Variants in VPS37A observed in about 807,000 individuals in gnomAD.
VPS37A encodes the protein vacuolar protein sorting-associated protein 37A.
A neutral mutation model predicts 49.8 loss-of-function variants in VPS37A; 30 were observed. That is an observed-to-expected ratio of 0.60 (90% CI 0.45 to 0.82). VPS37A has a LOEUF of 0.82. Among genes scored for constraint, VPS37A ranks in the 40% least tolerant of loss-of-function variants. The probability of loss-of-function intolerance (pLI) is 0.00; values close to 1 mark genes in which losing one functional copy is unlikely to be tolerated. For synonymous variants in VPS37A, 195 were observed against 160.6 expected (o/e 1.21, Z -1.62); for missense variants, 593 against 464.4 (o/e 1.28, Z -2.55).
At chr8:17,293,864 C>T (rs558678019) in intron 11 of VPS37A, among the ~76,000 whole-genome samples, 101 of 152,312 alleles carry the variant, frequency 6.6e-4, no homozygotes, top group Admixed American at 2.4e-3. Context: ...CCAGCCAGAG[C>T]TCTCCTGTAT....
At chr8:17,271,684 C>T (rs1332296301) in intron 4 of VPS37A, among the ~76,000 whole-genome samples, 1 of 152,106 alleles carries the variant, frequency 6.6e-6, no homozygotes, top group Non-Finnish European at 1.5e-5. Context: ...CACTAAGCTC[C>T]TCCAAATAAG....
rs1563224367 is a variant in VPS37A at position 17,247,203 on chromosome 8, G to T, written c.-42G>T. On this transcript the variant is annotated 5_prime_UTR_variant, in exon 1 of 12. Coordinates refer to ENST00000324849, the MANE Select transcript of VPS37A (RefSeq NM_152415.3). Reference sequence around the variant, plus strand: ...CGGGCCGAGCCACTGGGAGAAGCAGGCCAGAGCCTTCCAGGGCCTCCGGCC... The same window carrying T: ...CGGGCCGAGCCACTGGGAGAAGCAGTCCAGAGCCTTCCAGGGCCTCCGGCC... 6.4e-7 allele frequency: 1 copy of T among 1,557,852 alleles called. No homozygotes were observed. Among genetic ancestry groups the T allele is most frequent in the South Asian group, 1.2e-5 (1 of 84,572 alleles).
rs1813396320 is a variant in VPS37A, at chr8:17,265,802, G to T, written c.126-105G>T. On this transcript the variant is annotated intron_variant, in intron 1 of 11. Coordinates refer to ENST00000324849, the MANE Select transcript of VPS37A (RefSeq NM_152415.3). ...GTTATGCTGGCTATCCAGATTCTGT[G>T]ATTAAAAATAAAGGTAGTTTTAGTA... 3 of 1,579,028 alleles carry T rather than the reference G, an allele frequency of 1.9e-6. No individual in the cohort carries two copies. The South Asian group carries it at 3.4e-5, about 18-fold the overall frequency.
chr8:17,322,115 G>T, the VPS37A span, among the ~76,000 whole-genome samples: 2 of 134,860 alleles, frequency 1.5e-5, no homozygotes, highest in African/African-American at 6.3e-5. Context: ...TACCAGCCCA[G>T]CACTTGTCTG....
At chr8:17,311,420 A>T in the VPS37A span, 10 of 1,548,094 alleles carry the variant, frequency 6.5e-6, no homozygotes, top group Non-Finnish European at 8.8e-6. Flanking sequence ...TAATGCTGGC[A>T]AGAAAACAGC....
intron 1 of VPS37A, among the ~76,000 whole-genome samples, chr8:17,257,907 A>C (rs575109570): frequency 6.6e-6 from 1 of 152,230 alleles, no homozygotes; most frequent in Non-Finnish European, 1.5e-5. Context: ...TAACTATTGT[A>C]ACTAGGATTA....
At chr8:17,319,116 T>A in the VPS37A span, among the ~76,000 whole-genome samples, 1 of 152,178 alleles carries the variant, frequency 6.6e-6, no homozygotes, top group Non-Finnish European at 1.5e-5. Flanking sequence ...AATCATGATA[T>A]ACGCATGGGC....
chr8:17,315,528 G>A, the VPS37A span, among the ~76,000 whole-genome samples: 16 of 152,290 alleles, frequency 1.1e-4, no homozygotes, highest in Middle Eastern at 3.4e-3. Flanking sequence ...ACTCCGTCGG[G>A]GATGTGAATA....
the VPS37A span, among the ~76,000 whole-genome samples, chr8:17,315,787 G>A: frequency 6.6e-6 from 1 of 152,078 alleles, no homozygotes; most frequent in African/African-American, 2.4e-5. Context: ...CAAGTCAGAA[G>A]GATCATTTGA....
the VPS37A span, among the ~76,000 whole-genome samples, chr8:17,323,830 T>G: frequency 6.6e-6 from 1 of 152,202 alleles, no homozygotes; most frequent in South Asian, 2.1e-4. Context: ...TTGAGTTTGA[T>G]GGGCTACACT....
At chr8:17,262,028 G>T (rs572810539) in intron 1 of VPS37A, among the ~76,000 whole-genome samples, 7 of 152,108 alleles carry the variant, frequency 4.6e-5, no homozygotes, top group African/African-American at 1.7e-4. Flanking sequence ...TGGGAAAGCC[G>T]ATTGTTCACC....
intron 3 of VPS37A, 147 bp downstream of exon 3, chr8:17,268,519 A>T: frequency 1.6e-6 from 1 of 616,262 alleles, no homozygotes; most frequent in Non-Finnish European, 2.7e-6. Context: ...CTACGCCTTA[A>T]AGTTCTTACA....
At chr8:17,325,890 G>T in the VPS37A span, among the ~76,000 whole-genome samples, 1 of 152,138 alleles carries the variant, frequency 6.6e-6, no homozygotes, top group Non-Finnish European at 1.5e-5. Context: ...GCCCATCAAC[G>T]TATCCATTTC....
rs886358825 is a variant in VPS37A at position 17,277,405 on chromosome 8, C to G, written c.713+938C>G. Among the ~76,000 whole-genome samples, 3 of 151,716 alleles carry G rather than the reference C, an allele frequency of 2.0e-5. No homozygotes were observed. The East Asian group carries it at 5.8e-4, about 29-fold the overall frequency. On this transcript the variant is annotated intron_variant, in intron 6 of 11. Coordinates refer to ENST00000324849, the MANE Select transcript of VPS37A (RefSeq NM_152415.3). ...TTTTTTTAAATAATTGTTATGAAAA[C>G]ATCAAAAATGCAAAAAAGGTGAAGA...
intron 1 of VPS37A, among the ~76,000 whole-genome samples, chr8:17,255,168 CATAAAT>C (rs1377416484): frequency 2.1e-4 from 32 of 152,128 alleles, no homozygotes; most frequent in Non-Finnish European, 5.9e-5. Flanking sequence ...TAAATATAAA[CATAAAT>C]ACAAAATATA....
At chr8:17,304,746 C>CGTGTGTGTGTGTGTGTGT (rs10527892), downstream of VPS37A, among the ~76,000 whole-genome samples, 32,279 of 146,888 alleles carry the variant, frequency 0.22, 3,942 homozygotes, top group East Asian at 0.47. Flanking sequence ...GTGTTCGATT[C>CGTGTGTGTGTGTGTGTGT]GTGTGTGTGT....
chr8:17,314,508 A>G, the VPS37A span, among the ~76,000 whole-genome samples: 3 of 152,210 alleles, frequency 2.0e-5, no homozygotes, highest in Non-Finnish European at 2.9e-5. Flanking sequence ...AGCACTGTGC[A>G]TATGGGTCAC....
chr8:17,286,843 G>A (rs1380581267), intron 11 of VPS37A, among the ~76,000 whole-genome samples: 1 of 152,032 alleles, frequency 6.6e-6, no homozygotes, highest in East Asian at 1.9e-4. Flanking sequence ...TAATTCACCT[G>A]TCCCCACGAC....
chr8:17,277,746 G>T (rs565767569), intron 6 of VPS37A, among the ~76,000 whole-genome samples: 2 of 151,396 alleles, frequency 1.3e-5, no homozygotes, highest in Admixed American at 1.3e-4. Flanking sequence ...TAATATTTTT[G>T]TGGGCAGTTT....
Sources: allele counts gnomAD v4.1 joint callset (sites outside exome capture counted in the v4.1 genomes callset), GRCh38; gene constraint gnomAD v4.1.1; transcripts MANE v1.5; gene names NCBI Gene and HGNC (gene_info 2026-07-23, HGNC 2026-07-21).